The following PDE1C variants were observed in gnomAD, a reference collection of about 807,000 sequenced individuals.
PDE1C encodes the protein phosphodiesterase 1C, also known as dual specificity calcium/calmodulin-dependent 3',5'-cyclic nucleotide phosphodiesterase 1C.
In PDE1C, 62 loss-of-function variants were observed where a neutral mutation model predicts 93.1. The ratio of observed to expected loss-of-function variants is 0.67; its 90% CI spans 0.54 to 0.82. The LOEUF (loss-of-function observed/expected upper bound fraction) is 0.82, where lower values mean the gene tolerates loss of function less well. Among genes scored for constraint, PDE1C ranks in the 40% least tolerant of loss-of-function variants. The probability of loss-of-function intolerance (pLI) is 0.00; values close to 1 mark genes in which losing one functional copy is unlikely to be tolerated. For synonymous variants in PDE1C, 325 were observed against 310.1 expected (o/e 1.05, Z -0.50); for missense variants, 742 against 884.6 (o/e 0.84, Z 2.04).
At chr7:32,045,057 C>G (rs1288472858) in intron 2 of PDE1C, among the ~76,000 whole-genome samples, 1 of 141,790 alleles carries the variant, frequency 7.1e-6, no homozygotes, top group Non-Finnish European at 1.5e-5. Context: ...CCCTGCCCCC[C>G]TCCCACCCCC....
chr7:31,714,278 A>G, the PDE1C span, among the ~76,000 whole-genome samples: 4 of 152,332 alleles, frequency 2.6e-5, 1 homozygote, highest in African/African-American at 9.6e-5. Flanking sequence ...TTGCTAAAAC[A>G]TAACAAGAGT....
chr7:32,266,651 G>C (rs556686277), intron 1 of PDE1C, among the ~76,000 whole-genome samples: 45 of 152,272 alleles, frequency 3.0e-4, no homozygotes, highest in African/African-American at 1.1e-3. Context: ...AAGGTCTGGG[G>C]CCAGGGGTAA....
chr7:32,147,271 AAAAAGAAAGAAAG>A (rs1800913885), intron 3 of PDE1C, among the ~76,000 whole-genome samples: 2 of 37,356 alleles, frequency 5.4e-5, no homozygotes, highest in African/African-American at 1.0e-4. Context: ...AAAGAAAGAA[AAAAAGAAAGAAAG>A]AAAGAAAGAA....
At chr7:32,392,565 G>A (rs1784770469) in intron 1 of PDE1C, among the ~76,000 whole-genome samples, 1 of 152,020 alleles carries the variant, frequency 6.6e-6, no homozygotes, top group Admixed American at 6.6e-5. Context: ...ATGGAATCTA[G>A]TAACATATAA....
chr7:32,309,955 C>A (rs1422597108), intron 1 of PDE1C, among the ~76,000 whole-genome samples: 1 of 152,144 alleles, frequency 6.6e-6, no homozygotes, highest in Non-Finnish European at 1.5e-5. Context: ...TACAGACTGG[C>A]AAATTGGATA....
the PDE1C span, among the ~76,000 whole-genome samples, chr7:31,684,197 A>T: frequency 6.6e-6 from 1 of 152,212 alleles, no homozygotes; most frequent in Admixed American, 6.5e-5. Context: ...CAACAGCAAC[A>T]ACAGCCCGAA....
intron 2 of PDE1C, among the ~76,000 whole-genome samples, chr7:32,193,569 T>C (rs914381797): frequency 6.6e-6 from 1 of 152,190 alleles, no homozygotes; most frequent in East Asian, 1.9e-4. Context: ...TTGTTAAAGA[T>C]TTTTGCATCT....
chr7:32,171,772 C>T (rs953578956), intron 2 of PDE1C, among the ~76,000 whole-genome samples: 1 of 150,294 alleles, frequency 6.7e-6, no homozygotes, highest in Admixed American at 6.7e-5. Context: ...AACCTCTGTG[C>T]ATTTTGTTAC....
rs1245864891 is a variant in PDE1C, at chr7:32,354,856, A to C, written c.310+72966T>G. 2.0e-5 allele frequency among the ~76,000 whole-genome samples: 3 copies of C among 152,388 alleles called. No individual in the cohort carries two copies. In the East Asian group the frequency reaches 5.8e-4, roughly 29 times the overall value. ...ATGAAACACTTGCTATCCCTGGGCC[A>C]GAAGATCTCTCTAAGGCCTAAGGGC... On this transcript the variant is annotated intron_variant, in intron 1 of 1. Coordinates refer to the PDE1C transcript ENST00000672256.
chr7:32,194,064 G>A (rs1323783375), intron 2 of PDE1C, among the ~76,000 whole-genome samples: 5 of 151,788 alleles, frequency 3.3e-5, no homozygotes, highest in Non-Finnish European at 5.9e-5. Flanking sequence ...ACAGGCGCCC[G>A]CCACCACACC....
chr7:31,908,048 T>C (rs1282832519), intron 2 of PDE1C, among the ~76,000 whole-genome samples: 3 of 152,130 alleles, frequency 2.0e-5, no homozygotes, highest in Non-Finnish European at 4.4e-5. Flanking sequence ...GATTGAATAA[T>C]AGGACAACTT....
intron 1 of PDE1C, among the ~76,000 whole-genome samples, chr7:32,262,005 ATTTTTTT>A (rs11325736): frequency 1.3e-4 from 12 of 89,746 alleles, no homozygotes; most frequent in African/African-American, 3.7e-4. Context: ...TTGCTTTGGG[ATTTTTTT>A]TTTTTTTTTT....
In PDE1C at chr7:31,794,053, C is replaced by T. The variant is rs202226667; in HGVS notation, c.1891+14978G>A. Among the ~76,000 whole-genome samples the T allele has an allele frequency of 4.0e-3, 557 of 138,604 alleles. 2 individuals carry two copies. The highest frequency in any genetic ancestry group is 7.7e-3 in the South Asian group (32 of 4,170). The allele number at this position is 138,604 out of a possible 152,430, so 90.9% of individuals were successfully genotyped here. A position where few individuals can be genotyped will look rare whatever the true frequency, so the allele number is the denominator to read the frequency against. On this transcript the variant is annotated intron_variant, in intron 16 of 17. Coordinates refer to ENST00000396191, the MANE Select transcript of PDE1C (RefSeq NM_001191057.4). ...ATAGATAGATAGATAGACAGACAGA[C>T]AGACAGACAGACAGACAGACAGACA...
intron 2 of PDE1C, among the ~76,000 whole-genome samples, chr7:31,928,762 C>T (rs1803752452): frequency 6.6e-6 from 1 of 152,150 alleles, no homozygotes; most frequent in South Asian, 2.1e-4. Flanking sequence ...ACCAGCCTGC[C>T]TCACAAGAGC....
the PDE1C span, among the ~76,000 whole-genome samples, chr7:31,616,886 T>C: frequency 6.6e-6 from 1 of 152,174 alleles, no homozygotes; most frequent in African/African-American, 2.4e-5. Context: ...CAAACCTCTC[T>C]TGCTTACTTT....
chr7:31,651,889 C>T, the PDE1C span: 1 of 1,317,054 alleles, frequency 7.6e-7, no homozygotes, highest in South Asian at 1.3e-5. Context: ...TGGAAGATTG[C>T]ACCTGGGAAG....
intron 17 of PDE1C, among the ~76,000 whole-genome samples, chr7:31,771,017 A>T (rs1177150556): frequency 6.6e-6 from 1 of 152,156 alleles, no homozygotes; most frequent in African/African-American, 2.4e-5. Flanking sequence ...TCAGATTTTG[A>T]ACCACTTCTT....
chr7:32,391,514 C>T (rs976003225), intron 1 of PDE1C, among the ~76,000 whole-genome samples: 1 of 152,112 alleles, frequency 6.6e-6, no homozygotes. Flanking sequence ...ATCTACAGAA[C>T]ATTCTATTGA....
intron 1 of PDE1C, among the ~76,000 whole-genome samples, chr7:32,416,873 G>A (rs1406628775): frequency 1.3e-5 from 2 of 152,148 alleles, no homozygotes; most frequent in African/African-American, 4.8e-5. Flanking sequence ...ATCTCAGTAT[G>A]AGGAGAAATT....
Sources: allele counts gnomAD v4.1 joint callset (sites outside exome capture counted in the v4.1 genomes callset), GRCh38; gene constraint gnomAD v4.1.1; transcripts MANE v1.5; gene names NCBI Gene and HGNC (gene_info 2026-07-23, HGNC 2026-07-21).